DLG1: variants seen among roughly 807,000 people sequenced by gnomAD.
DLG1 encodes discs large MAGUK scaffold protein 1, also known as disks large homolog 1.
Under a neutral mutation model 123.4 loss-of-function variants are expected in DLG1, and 42 were observed. The ratio of observed to expected loss-of-function variants is 0.34; its 90% confidence interval spans 0.27 to 0.44. The LOEUF is 0.44. Among genes scored for constraint, DLG1 ranks in the 20% least tolerant of loss-of-function variants. The probability of loss-of-function intolerance (pLI) is 1.00; values close to 1 mark genes in which losing one functional copy is unlikely to be tolerated. For missense variants in DLG1, 942 were observed against 1,082.6 expected (o/e 0.87, Z 1.82); for synonymous variants, 317 against 356.2 (o/e 0.89, Z 1.24).
At chr3:197,195,722 C>G (rs147977122) in intron 4 of DLG1, among the ~76,000 whole-genome samples, 1 of 151,988 alleles carries the variant, frequency 6.6e-6, no homozygotes, top group Non-Finnish European at 1.5e-5. Context: ...ACACTGGGGA[C>G]TGCTTGACTG....
chr3:197,156,372 A>G (rs1796416400), intron 5 of DLG1, among the ~76,000 whole-genome samples: 1 of 152,238 alleles, frequency 6.6e-6, no homozygotes, highest in African/African-American at 2.4e-5. Flanking sequence ...CAAAGAAGAC[A>G]GTAATGCAGG....
chr3:197,219,785 G>A (rs955659290), intron 4 of DLG1, among the ~76,000 whole-genome samples: 1 of 152,124 alleles, frequency 6.6e-6, no homozygotes, highest in African/African-American at 2.4e-5. Context: ...CAGTAAGAAG[G>A]TGGCCATCTG....
chr3:197,289,718 G>C (rs1027584074), intron 3 of DLG1, among the ~76,000 whole-genome samples: 4 of 152,098 alleles, frequency 2.6e-5, no homozygotes, highest in African/African-American at 9.7e-5. Flanking sequence ...ATCTACTCAA[G>C]CACAAATACT....
chr3:197,140,693 T>C (rs1277748737), intron 7 of DLG1, among the ~76,000 whole-genome samples: 3 of 152,202 alleles, frequency 2.0e-5, no homozygotes, highest in Non-Finnish European at 1.5e-5. Context: ...ACCCATATAC[T>C]GTTTTAGCCT....
At chr3:197,119,247 A>T (rs1560807111) in intron 12 of DLG1, among the ~76,000 whole-genome samples, 163 bp downstream of exon 12, 1 of 152,222 alleles carries the variant, frequency 6.6e-6, no homozygotes, top group Non-Finnish European at 1.5e-5. Context: ...TGTATATTTC[A>T]GGCTCTTCAA....
At chr3:197,166,355 A>C (rs539393749) in intron 5 of DLG1, among the ~76,000 whole-genome samples, 142 of 152,310 alleles carry the variant, frequency 9.3e-4, no homozygotes, top group African/African-American at 3.3e-3. Context: ...GGCAGTTATA[A>C]ATATGAAAAG....
chr3:197,065,124 A>G, intron 22 of DLG1, 152 bp downstream of exon 22: 1 of 606,818 alleles, frequency 1.6e-6, no homozygotes, highest in Non-Finnish European at 2.5e-6. Context: ...TCTTGTATGC[A>G]CTTTCCTAAG....
intron 4 of DLG1, among the ~76,000 whole-genome samples, chr3:197,227,904 A>C (rs1015378691): frequency 6.6e-6 from 1 of 152,216 alleles, no homozygotes; most frequent in Non-Finnish European, 1.5e-5. Flanking sequence ...TCAAATGTCA[A>C]CTGTAACTAG....
chr3:197,170,208 G>A (rs1192551047), intron 5 of DLG1, among the ~76,000 whole-genome samples: 2 of 152,154 alleles, frequency 1.3e-5, no homozygotes, highest in African/African-American at 4.8e-5. Flanking sequence ...TGTGAATAGT[G>A]CTGCAATGAA....
rs760384251 is a variant in DLG1 at position 197,081,105 on chromosome 3, T to C, written c.1851A>G (p.Lys617=). The change falls in exon 17 of 25, where the codon AAA becomes AAG. Residue 617 remains lysine, a synonymous_variant. Coordinates refer to ENST00000667157, the MANE Select transcript of DLG1 (RefSeq NM_001366207.1). Reference sequence around the variant, plus strand: ...TCACTGTTTTTAATCGGGCTCGTTCTTTCTTCTCAACTCTGTCAAAGTATA... The same window carrying C: ...TCACTGTTTTTAATCGGGCTCGTTCCTTCTTCTCAACTCTGTCAAAGTATA... The part of the protein sequence containing the change: ...VIPSKRRVEK[K]ERARLKTVKF... 6.2e-7 allele frequency: 1 copy of C among 1,613,132 alleles called. No individual in the cohort carries two copies. Among genetic ancestry groups the C allele is most frequent in the South Asian group, 1.1e-5 (1 of 90,924 alleles).
intron 13 of DLG1, among the ~76,000 whole-genome samples, chr3:197,105,564 G>T (rs1277394521): frequency 1.3e-5 from 2 of 152,178 alleles, no homozygotes; most frequent in Non-Finnish European, 2.9e-5. Flanking sequence ...TTAATTAAAT[G>T]AACCAGGAGT....
intron 4 of DLG1, among the ~76,000 whole-genome samples, chr3:197,269,267 G>A (rs991109856): frequency 3.3e-5 from 5 of 152,016 alleles, no homozygotes; most frequent in Admixed American, 1.3e-4. Context: ...CTTGATATAC[G>A]TCATGCTACA....
chr3:197,086,008 T>C (rs1285683140), intron 15 of DLG1, among the ~76,000 whole-genome samples: 1 of 151,920 alleles, frequency 6.6e-6, no homozygotes, highest in Non-Finnish European at 1.5e-5. Context: ...CGCTCTTGGA[T>C]TGTAATCCAA....
intron 4 of DLG1, 78 bp from the exon 5 acceptor site, chr3:197,194,667 A>G: frequency 1.0e-6 from 1 of 959,294 alleles, no homozygotes; most frequent in Non-Finnish European, 1.6e-6. Flanking sequence ...ATAACTAGCC[A>G]AATACTCAAT....
chr3:197,195,467 G>A (rs1721976630), intron 4 of DLG1, among the ~76,000 whole-genome samples: 2 of 152,130 alleles, frequency 1.3e-5, no homozygotes, highest in Middle Eastern at 3.4e-3. Context: ...GCAAAGAAAT[G>A]GAATCAACCA....
intron 1 of DLG1, chr3:197,297,655 C>A (rs941951530): frequency 1.4e-5 from 14 of 993,256 alleles, no homozygotes; most frequent in Non-Finnish European, 1.7e-5. Context: ...CCTGCTCGGG[C>A]CCCCTCCTCT....
intron 4 of DLG1, among the ~76,000 whole-genome samples, chr3:197,226,643 A>G (rs1740113521): frequency 6.6e-6 from 1 of 152,244 alleles, no homozygotes; most frequent in Non-Finnish European, 1.5e-5. Flanking sequence ...GTTAAGTAGA[A>G]TAATTACAAA....
Position 197,138,338 on chromosome 3 carries a change from T to C in DLG1, c.767A>G (p.His256Arg). 1 of 1,587,566 alleles carries C rather than the reference T, an allele frequency of 6.3e-7. No individual in the cohort carries two copies. The highest frequency in any genetic ancestry group is 8.6e-7 in the Non-Finnish European group (1 of 1,163,294). Residue 256 changes from histidine to arginine, a missense_variant, in exon 9 of 25, where the codon CAT (histidine) becomes CGT (arginine). Transcript: ENST00000667157. ...VNEVDVRDVT[H>R]SKAVEALKEA... ...TTTCAACGCTTCAACTGCTTTGCTA[T>C]GTGTTACATCACGAACATCTACTTC...
rs1370308529 is a variant in DLG1 at position 197,139,925 on chromosome 3, A to G, written c.713+215T>C. On this transcript the variant is annotated intron_variant, in intron 8 of 24. Transcript: ENST00000667157. ...AACCAAATTTGTTATTCAAAATGTT[A>G]TAATATCTAAGATAAAACTGGAGTC... Among the ~76,000 whole-genome samples the G allele has an allele frequency of 4.6e-5, 7 of 152,258 alleles. No homozygotes were observed. In the East Asian group the frequency reaches 9.6e-4, roughly 21 times the overall value.
Sources: allele counts gnomAD v4.1 joint callset (sites outside exome capture counted in the v4.1 genomes callset), GRCh38; gene constraint gnomAD v4.1.1; transcripts MANE v1.5; gene names NCBI Gene and HGNC (gene_info 2026-07-23, HGNC 2026-07-21).